PGM2: variants seen among roughly 807,000 people sequenced by gnomAD.
The protein encoded by PGM2 is phosphopentomutase.
A neutral mutation model predicts 74.6 loss-of-function variants in PGM2; 57 were observed. The observed-to-expected ratio is 0.76, with a 90% CI of 0.62 to 0.95. The LOEUF (loss-of-function observed/expected upper bound fraction) is 0.95. Ranked by LOEUF, PGM2 falls within the 40% of genes least tolerant of loss-of-function variation. The probability of loss-of-function intolerance (pLI) is 0.00; values close to 1 mark genes in which losing one functional copy is unlikely to be tolerated. For synonymous variants in PGM2, 273 were observed against 260.7 expected (o/e 1.05, Z -0.46); for missense variants, 706 against 741.9 (o/e 0.95, Z 0.56).
chr4:37,850,244 G>T lies in PGM2; in HGVS notation c.1473G>T (p.Lys491Asn), dbSNP rs1349245255. 6.3e-7 allele frequency: 1 copy of T among 1,582,990 alleles called. No individual in the cohort carries two copies. Among genetic ancestry groups the T allele is most frequent in the Non-Finnish European group, 8.6e-7 (1 of 1,168,986 alleles). Residue 491 changes from lysine to asparagine, a missense_variant, in exon 12 of 14, where the codon AAG (lysine) becomes AAT (asparagine). Physicochemically the swap from Lys to Asn is moderately conservative, Grantham distance 94. This residue lies in a region of PGM2 where 359 missense variants were observed against 371.1 expected (regional missense o/e 0.97). Coordinates refer to ENST00000381967, the MANE Select transcript of PGM2 (RefSeq NM_018290.4). The part of the protein sequence containing the change: ...YFICHDQETI[K>N]KLFENLRNYD... ...TCTGCCATGATCAAGAAACCATTAAGAAATTATTTGAAAACCTCAGAAACT... is the reference window on the plus strand; with the variant it reads ...TCTGCCATGATCAAGAAACCATTAATAAATTATTTGAAAACCTCAGAAACT...
rs559819267 is a variant in PGM2 at position 37,856,375 on chromosome 4, A to G, written c.1736+634A>G. 2.9e-3 allele frequency among the ~76,000 whole-genome samples: 443 copies of G among 152,004 alleles called. 5 individuals carry two copies. The highest frequency in any genetic ancestry group is 5.3e-3 in the Admixed American group (80 of 15,214). ...ACTCCAGCCTGGGCGACAGAGCGAG[A>G]CTCCATCTCAAAAAAATAAATAAAT... On this transcript the variant is annotated intron_variant, in intron 13 of 13. Coordinates refer to ENST00000381967, the MANE Select transcript of PGM2 (RefSeq NM_018290.4).
chr4:37,834,791 C>T, intron 3 of PGM2, 67 bp downstream of exon 3: 1 of 763,218 alleles, frequency 1.3e-6, no homozygotes, highest in Admixed American at 2.2e-5. Context: ...TAATCACCAT[C>T]TCAATAACTT....
intron 13 of PGM2, among the ~76,000 whole-genome samples, chr4:37,860,821 A>G (rs945773962): frequency 1.3e-5 from 2 of 152,192 alleles, no homozygotes. Context: ...AAATGTTTGT[A>G]TATAAATGAG....
rs1337104228 is a variant in PGM2, at chr4:37,862,670, T to C, written c.*1058T>C. 1 of 152,218 alleles carries C rather than the reference T, an allele frequency of 6.6e-6. No homozygotes were observed. The highest frequency in any genetic ancestry group is 1.5e-5 in the Non-Finnish European group (1 of 68,016). 9.4% of individuals were successfully genotyped at this position (152,218 alleles called of 1,614,324 possible). ...ATATATTTTACATTATTTCTGATTTTTAAAGCAAATGATTGCCATTATGAT... is the reference window on the plus strand; with the variant it reads ...ATATATTTTACATTATTTCTGATTTCTAAAGCAAATGATTGCCATTATGAT... On this transcript the variant is annotated 3_prime_UTR_variant, in exon 14 of 14. Coordinates refer to ENST00000381967, the MANE Select transcript of PGM2 (RefSeq NM_018290.4).
At chr4:37,831,010 A>G (rs1465940503) in intron 2 of PGM2, among the ~76,000 whole-genome samples, 1 of 152,106 alleles carries the variant, frequency 6.6e-6, no homozygotes, top group Non-Finnish European at 1.5e-5. Context: ...CCTGAGCAAC[A>G]TGGTGAAACC....
At chr4:37,829,815 A>T in intron 1 of PGM2, 149 bp from the exon 2 acceptor site, 1 of 262,818 alleles carries the variant, frequency 3.8e-6, no homozygotes, top group Non-Finnish European at 6.9e-6. Flanking sequence ...CATATTTCAG[A>T]TTTCAAAAGC....
chr4:37,837,747 T>A, intron 4 of PGM2, 134 bp downstream of exon 4: 1 of 673,484 alleles, frequency 1.5e-6, no homozygotes, highest in Non-Finnish European at 2.7e-6. Flanking sequence ...GTATGAGACA[T>A]TTCCTTCTCT....
chr4:37,844,223 C>A (rs1386757382), intron 6 of PGM2, 141 bp from the exon 7 acceptor site: 2 of 521,334 alleles, frequency 3.8e-6, no homozygotes, highest in African/African-American at 2.0e-5. Flanking sequence ...ATATATATAT[C>A]TGGGAGAGAA....
intron 10 of PGM2, 68 bp from the exon 11 acceptor site, chr4:37,848,454 A>C: frequency 7.3e-7 from 1 of 1,365,672 alleles, no homozygotes; most frequent in Admixed American, 2.0e-5. Context: ...TGCAATAGCC[A>C]GGATTCATAC....
intron 13 of PGM2, among the ~76,000 whole-genome samples, chr4:37,856,409 T>A (rs547887962): frequency 6.6e-6 from 1 of 151,870 alleles, no homozygotes; most frequent in African/African-American, 2.4e-5. Flanking sequence ...ATAAATAAAT[T>A]ATAATCCATT....
chr4:37,826,936 G>A (rs1307274508), intron 1 of PGM2, 123 bp downstream of exon 1: 8 of 633,014 alleles, frequency 1.3e-5, no homozygotes, highest in South Asian at 1.9e-5. Context: ...CTTCTCCCCC[G>A]GGAAGACCCA....
Position 37,826,790 on chromosome 4 carries a change from G to T in PGM2, c.58G>T (p.Ala20Ser). The change falls in exon 1 of 14, where the codon GCC becomes TCC. Residue 20 changes from alanine (A) to serine (S), a missense_variant. Ala to Ser is a moderately conservative substitution (Grantham distance 99, BLOSUM62 1). Coordinates refer to ENST00000381967, the MANE Select transcript of PGM2 (RefSeq NM_018290.4). Reference sequence around the variant, plus strand: ...GGACGCCCGGCTGGACCAGGAGACCGCCCAGTGGCTGCGCTGGGACAAGGT... The same window carrying T: ...GGACGCCCGGCTGGACCAGGAGACCTCCCAGTGGCTGCGCTGGGACAAGGT... ...GEDARLDQET[A>S]QWLRWDKNSL... 6.5e-7 allele frequency: 1 copy of T among 1,548,592 alleles called. No individual in the cohort carries two copies. The highest frequency in any genetic ancestry group is 8.7e-7 in the Non-Finnish European group (1 of 1,145,606).
In PGM2 at chr4:37,847,071, T is replaced by C. The variant is rs373567431; in HGVS notation, c.1148T>C (p.Ile383Thr). Reference protein sequence around the residue: ...YMLSSTVSSKILRAIALKEGF... With the variant: ...YMLSSTVSSKTLRAIALKEGF... The stretch of plus-strand genomic sequence containing the variant: ...TTGTCCAGCACCGTCTCCTCCAAAA[T>C]CTTGCGGGCCATTGCCTTAAAGGAA... Residue 383 changes from isoleucine to threonine, a missense_variant, in exon 9 of 14, where the codon ATC (isoleucine) becomes ACC (threonine). Transcript: ENST00000381967. 1.8e-5 allele frequency: 29 copies of C among 1,613,908 alleles called. No homozygotes were observed. The African/African-American group carries it at 3.6e-4, about 20-fold the overall frequency.
At chr4:37,844,641 T>C in intron 7 of PGM2, 88 bp downstream of exon 7, 1 of 872,138 alleles carries the variant, frequency 1.1e-6, no homozygotes, top group East Asian at 2.5e-5. Flanking sequence ...TGTGTTTTCA[T>C]TGTGCTGAAG....
intron 12 of PGM2, among the ~76,000 whole-genome samples, chr4:37,851,979 T>TTTTTTTTTTTTTTG (rs1560420074): frequency 4.7e-5 from 7 of 149,646 alleles, no homozygotes; most frequent in Admixed American, 6.7e-5. Context: ...TCTTTTTTTT[T>TTTTTTTTTTTTTTG]GGAGACAGGG....
In PGM2 at chr4:37,862,280, A is replaced by G. The variant is rs1289078151; in HGVS notation, c.*668A>G. Reference sequence around the variant, plus strand: ...GTCTTTGTTTAATGTGTTGAAACTCATCTTTTTAAATCTTGAAAAACCAAT... The same window carrying G: ...GTCTTTGTTTAATGTGTTGAAACTCGTCTTTTTAAATCTTGAAAAACCAAT... On this transcript the variant is annotated 3_prime_UTR_variant, in exon 14 of 14. Coordinates refer to ENST00000381967, the MANE Select transcript of PGM2 (RefSeq NM_018290.4). The G allele has an allele frequency of 2.6e-5, 4 of 152,202 alleles. No homozygotes were observed. The highest frequency in any genetic ancestry group is 5.9e-5 in the Non-Finnish European group (4 of 68,026). The allele number at this position is 152,202 out of a possible 1,614,324, so 9.4% of individuals were successfully genotyped here.
intron 6 of PGM2, among the ~76,000 whole-genome samples, chr4:37,843,845 A>G (rs28522273): frequency 0.082 from 12,476 of 152,106 alleles, 977 homozygotes; most frequent in East Asian, 0.18. Flanking sequence ...CTGACCTCAC[A>G]CGATCCACCT....
chr4:37,827,475 C>T (rs919647366), intron 1 of PGM2, among the ~76,000 whole-genome samples: 7 of 151,962 alleles, frequency 4.6e-5, no homozygotes, highest in African/African-American at 1.7e-4. Flanking sequence ...TGCGTCTCGC[C>T]CTTTCGACCT....
At chr4:37,860,963 C>G (rs1711750347) in intron 13 of PGM2, among the ~76,000 whole-genome samples, 1 of 152,106 alleles carries the variant, frequency 6.6e-6, no homozygotes, top group Admixed American at 6.6e-5. Context: ...GATCTGATTT[C>G]TTGGTGTTTG....
Sources: gnomAD v4.1 joint callset for allele counts (sites outside exome capture counted in the v4.1 genomes callset) on GRCh38, gnomAD v4.1.1 for gene constraint, gnomAD v4.1.1 regional missense constraint, MANE v1.5 for transcripts, NCBI Gene and HGNC (gene_info 2026-07-23, HGNC 2026-07-21) for gene names.